JPH2: variants seen among roughly 807,000 people sequenced by gnomAD.
JPH2 encodes the protein junctophilin-2.
In JPH2, 38 loss-of-function variants were observed where a neutral mutation model predicts 55.9. The ratio of observed to expected loss-of-function variants is 0.68; its 90% CI spans 0.52 to 0.89. The LOEUF is 0.89. Ranked by LOEUF, JPH2 falls within the 40% of genes least tolerant of loss-of-function variation. The pLI, the probability that JPH2 is intolerant of heterozygous loss-of-function variation, is 0.00. For synonymous variants in JPH2, 480 were observed against 472.4 expected, an observed-to-expected ratio of 1.02 and a Z score of -0.21; for missense variants, 964 against 1,037.6, an observed-to-expected ratio of 0.93 and a Z score of 0.97.
At chr20:44,185,676 TGGA>T (rs1569225770) in intron 1 of JPH2, among the ~76,000 whole-genome samples, 55 of 148,486 alleles carry the variant, frequency 3.7e-4, no homozygotes, top group African/African-American at 1.3e-3. Flanking sequence ...CATAGATGGA[TGGA>T]TGGATGGATG....
At position 44,109,506 on chromosome 20, in the gene JPH2, T is replaced by G. The variant is rs2072127426; in HGVS notation, c.*4012A>C. 6.6e-6 allele frequency among the ~76,000 whole-genome samples: 1 copy of G among 152,058 alleles called. No homozygotes were observed. Among genetic ancestry groups the G allele is most frequent in the African/African-American group, 2.4e-5 (1 of 41,396 alleles). On this transcript the variant is annotated 3_prime_UTR_variant, in exon 6 of 6. Coordinates refer to ENST00000372980, the MANE Select transcript of JPH2 (RefSeq NM_020433.5). ...CTGTTCTGCCACCACATACAGGAGG[T>G]GAAGGGCTTAGCACAGGGCCTGACC...
At chr20:44,144,375 C>T (rs947928590) in intron 2 of JPH2, among the ~76,000 whole-genome samples, 1 of 152,132 alleles carries the variant, frequency 6.6e-6, no homozygotes, top group Non-Finnish European at 1.5e-5. Flanking sequence ...CCAAATGCCA[C>T]GGCCACATGA....
Position 44,159,814 on chromosome 20 carries a change from C to T in JPH2, c.973G>A (p.Gly325Ser). 2 of 1,613,350 alleles carry T rather than the reference C, an allele frequency of 1.2e-6. No individual in the cohort carries two copies. Among genetic ancestry groups the T allele is most frequent in the Non-Finnish European group, 1.7e-6 (2 of 1,179,902 alleles). ...TCGGGCAGCGTGGTGCAGCCATAGC[C>T]GTGGCGCAGGTTGTCCAGCCACTCG... is the stretch of plus-strand genomic sequence containing the variant. Reference protein sequence around the residue: ...EGEWLDNLRHGYGCTTLPDGH... With the variant: ...EGEWLDNLRHSYGCTTLPDGH... Residue 325 changes from glycine (G) to serine (S), a missense_variant, in exon 2 of 6, where the codon GGC (glycine) becomes AGC (serine). Physicochemically the swap from Gly to Ser is moderately conservative, Grantham distance 56. Coordinates refer to ENST00000372980, the MANE Select transcript of JPH2 (RefSeq NM_020433.5). The surrounding 1 kb of genome is among the most constrained non-coding windows in gnomAD (Gnocchi z 5.7).
intron 1 of JPH2, among the ~76,000 whole-genome samples, chr20:44,179,580 A>G (rs1310135967): frequency 6.6e-6 from 1 of 152,172 alleles, no homozygotes; most frequent in Non-Finnish European, 1.5e-5. Flanking sequence ...GCAGTCTCGT[A>G]GGACCCAGCA....
In JPH2 at chr20:44,138,009, C is replaced by CTT. The variant is rs556691395; in HGVS notation, c.1170-19388_1170-19387dup. On this transcript the variant is annotated intron_variant, in intron 2 of 5. Coordinates refer to ENST00000372980, the MANE Select transcript of JPH2 (RefSeq NM_020433.5). ...AAAAAGAGAAAAAATTTAAAAAGAC[C>CTT]TTTTTTTTTTTTTTTTGAGACGGAG... Among the ~76,000 whole-genome samples the CTT allele has an allele frequency of 1.3e-4, 19 of 140,766 alleles. 1 individual carries two copies. In the South Asian group the frequency reaches 1.6e-3, roughly 12 times the overall value. The allele number at this position is 140,766 out of a possible 152,430, so 92.3% of individuals were successfully genotyped here.
intron 4 of JPH2, 50 bp downstream of exon 4, chr20:44,115,615 G>A (rs1177965341): frequency 6.2e-7 from 1 of 1,610,318 alleles, no homozygotes; most frequent in African/African-American, 1.3e-5. Flanking sequence ...CTCAAGCCCT[G>A]CTACCTCTAG....
chr20:44,141,419 G>A (rs1164497287), intron 2 of JPH2, among the ~76,000 whole-genome samples: 6 of 152,072 alleles, frequency 3.9e-5, no homozygotes, highest in African/African-American at 1.4e-4. Flanking sequence ...GCGGGTCCCT[G>A]AGGGCATCAT....
chr20:44,114,800 G>A lies in JPH2; in HGVS notation c.2087C>T (p.Thr696Ile), dbSNP rs1302078336. ...GLAILFVHLL[T>I] Reference sequence around the variant, plus strand: ...GCTGCACCTGGTAAGCGACGGTCAGGTCAGGAGGTGAACAAAGAGGATGGC... The same window carrying A: ...GCTGCACCTGGTAAGCGACGGTCAGATCAGGAGGTGAACAAAGAGGATGGC... Residue 696 changes from threonine to isoleucine, a missense_variant, in exon 5 of 6, where the codon ACC (threonine) becomes ATC (isoleucine). Coordinates refer to ENST00000372980, the MANE Select transcript of JPH2 (RefSeq NM_020433.5). 6.2e-7 allele frequency: 1 copy of A among 1,603,878 alleles called. No homozygotes were observed. The highest frequency in any genetic ancestry group is 2.2e-5 in the East Asian group (1 of 44,606).
intron 2 of JPH2, among the ~76,000 whole-genome samples, chr20:44,145,546 A>G (rs1403264811): frequency 1.3e-5 from 2 of 152,008 alleles, no homozygotes; most frequent in East Asian, 1.9e-4. Context: ...GGAGGCTGCA[A>G]TAAGTCGAGA....
intron 1 of JPH2, among the ~76,000 whole-genome samples, chr20:44,182,582 G>A (rs1471915264): frequency 1.3e-5 from 2 of 152,148 alleles, no homozygotes; most frequent in Non-Finnish European, 2.9e-5. Context: ...CTTCAAACCC[G>A]CCAAGCCCAG....
rs2072128841 is a variant in JPH2 at position 44,109,702 on chromosome 20, G to T, written c.*3816C>A. Among the ~76,000 whole-genome samples the T allele has an allele frequency of 2.0e-5, 3 of 152,254 alleles. No individual in the cohort carries two copies. The highest frequency in any genetic ancestry group is 7.2e-5 in the African/African-American group (3 of 41,552). On this transcript the variant is annotated 3_prime_UTR_variant, in exon 6 of 6. Transcript: ENST00000372980. ...ATGTTTTACAGTTTAGGTATTATTT[G>T]TATTCTGAGTCACTTATTTGGGGGA...
At chr20:44,146,411 C>A (rs62204482) in intron 2 of JPH2, among the ~76,000 whole-genome samples, 19,352 of 152,098 alleles carry the variant, frequency 0.13, 1,292 homozygotes, top group Non-Finnish European at 0.14. Context: ...GACCACTCAG[C>A]CTTCCAGTCA....
rs1178307012 is a variant in JPH2 at position 44,159,736 on chromosome 20, T to C, written c.1051A>G (p.Lys351Glu). The C allele has an allele frequency of 1.2e-6, 2 of 1,613,772 alleles. No homozygotes were observed. ...YRHNVLVKDT[K>E]RRMLQLKSNK... is the part of the protein sequence containing the mutation. ...CTCTTGAGCTGCAGCATGCGGCGCT[T>C]GGTGTCCTTGACCAGCACGTTGTGG... is the stretch of plus-strand genomic sequence containing the variant. The change falls in exon 2 of 6, where the codon AAG (lysine) becomes GAG (glutamate). Residue 351 changes from lysine to glutamate, a missense_variant. Transcript: ENST00000372980. The surrounding 1 kb of genome is among the most constrained non-coding windows in gnomAD (Gnocchi z 5.7).
rs867585511 is a variant in JPH2 at position 44,151,926 on chromosome 20, C to T, written c.1169+7692G>A. 3.9e-5 allele frequency among the ~76,000 whole-genome samples: 6 copies of T among 152,318 alleles called. No individual in the cohort carries two copies. The Middle Eastern group carries it at 0.01, about 259-fold the overall frequency. ...TGGAACGACCTTTCTCTCTCTTTTCCACCTGGCAGACTCCCAACCAGAGGT... is the reference window on the plus strand; with the variant it reads ...TGGAACGACCTTTCTCTCTCTTTTCTACCTGGCAGACTCCCAACCAGAGGT... On this transcript the variant is annotated intron_variant, in intron 2 of 5. Transcript: ENST00000372980.
chr20:44,139,219 G>A (rs2072438493), intron 2 of JPH2, among the ~76,000 whole-genome samples: 1 of 152,182 alleles, frequency 6.6e-6, no homozygotes, highest in Non-Finnish European at 1.5e-5. Context: ...GCAGGGACTT[G>A]CCCGGGGTCA....
chr20:44,156,815 G>A (rs1192872769), intron 2 of JPH2, among the ~76,000 whole-genome samples: 1 of 152,182 alleles, frequency 6.6e-6, no homozygotes, highest in Non-Finnish European at 1.5e-5. Flanking sequence ...TTTTGGAGGG[G>A]ATAAACATTC....
Position 44,111,825 on chromosome 20 carries a change from C to CAA in JPH2, c.*1691_*1692dup, listed in dbSNP as rs71337853. 15 of 148,578 alleles carry CAA rather than the reference C, an allele frequency of 1.0e-4. No homozygotes were observed. Among genetic ancestry groups the CAA allele is most frequent in the South Asian group, 2.2e-4 (1 of 4,626 alleles). 9.2% of individuals were successfully genotyped at this position (148,578 alleles called of 1,614,324 possible). A position where few individuals can be genotyped will look rare whatever the true frequency, so the allele number is the denominator to read the frequency against. On this transcript the variant is annotated 3_prime_UTR_variant, in exon 6 of 6. Coordinates refer to ENST00000372980, the MANE Select transcript of JPH2 (RefSeq NM_020433.5). ...GCACAGGCTTGTCCCCAGCACCAGC[C>CAA]AAAAAAAAACAACAGAAAAAAAACA...
rs1405678272 is a variant in JPH2, at chr20:44,107,364, T to C, written c.*6154A>G. Among the ~76,000 whole-genome samples the C allele has an allele frequency of 2.0e-5, 3 of 152,118 alleles. No homozygotes were observed. The highest frequency in any genetic ancestry group is 2.9e-5 in the Non-Finnish European group (2 of 68,022). ...CTGTTTACCAAAACCCACATCCTTCTCTTCTCCCTGAGGACACATGTAGTC... is the reference window on the plus strand; with the variant it reads ...CTGTTTACCAAAACCCACATCCTTCCCTTCTCCCTGAGGACACATGTAGTC... On this transcript the variant is annotated 3_prime_UTR_variant, in exon 6 of 6. Coordinates refer to ENST00000372980, the MANE Select transcript of JPH2 (RefSeq NM_020433.5).
intron 1 of JPH2, chr20:44,177,869 G>A (rs1396997345): frequency 6.2e-7 from 1 of 1,610,988 alleles, no homozygotes; most frequent in Non-Finnish European, 8.5e-7. Context: ...GGAAATACGG[G>A]AATATATATT....
Sources: allele counts gnomAD v4.1 joint callset (sites outside exome capture counted in the v4.1 genomes callset), GRCh38; gene constraint gnomAD v4.1.1; non-coding constraint Gnocchi (gnomAD v3.1); transcripts MANE v1.5; gene names NCBI Gene and HGNC (gene_info 2026-07-23, HGNC 2026-07-21).